The following ZNF582 variants were observed in gnomAD, a reference collection of about 807,000 sequenced individuals.
The protein encoded by ZNF582 is zinc finger protein 582.
ZNF582 carries 14 observed loss-of-function variants against 12.3 expected under a neutral mutation model. That is an observed-to-expected ratio of 1.14 (90% CI 0.75 to 1.78). The LOEUF (loss-of-function observed/expected upper bound fraction) is 1.78, where lower values mean the gene tolerates loss of function less well. Ranked by LOEUF, ZNF582 falls within the 40% of genes most tolerant of loss-of-function variation. The probability of loss-of-function intolerance (pLI) is 0.00; values close to 1 mark genes in which losing one functional copy is unlikely to be tolerated. For missense variants in ZNF582, 567 were observed against 616.5 expected (o/e 0.92, Z 0.85); for synonymous variants, 210 against 207.2 (o/e 1.01, Z -0.11).
intron 3 of ZNF582, 131 bp from the exon 4 acceptor site, chr19:56,390,227 G>A: frequency 6.6e-6 from 9 of 1,357,594 alleles, no homozygotes; most frequent in South Asian, 6.4e-5. Context: ...TTGCCTGGGG[G>A]TAGGGGGATG....
chr19:56,393,483 C>T (rs752436852), exon 1 of ZNF582: 2 of 513,750 alleles, frequency 3.9e-6, no homozygotes, highest in South Asian at 2.8e-5. Flanking sequence ...GGCCGCGCCC[C>T]CGGCAGCCCA....
At chr19:56,390,791 C>T (rs974980778) in intron 2 of ZNF582, among the ~76,000 whole-genome samples, 2 of 152,206 alleles carry the variant, frequency 1.3e-5, no homozygotes, top group Admixed American at 6.5e-5. Flanking sequence ...TAATAAAGCA[C>T]ACTGCCCACT....
chr19:56,388,421 A>G (rs1425448952), intron 4 of ZNF582: 2 of 152,214 alleles, frequency 1.3e-5, no homozygotes, highest in Non-Finnish European at 2.9e-5. Context: ...TTTTTTAAAA[A>G]TCACTATTTT....
At chr19:56,384,210 C>A in exon 5 of ZNF582, 2 of 1,611,964 alleles carry the variant, frequency 1.2e-6, no homozygotes, top group Non-Finnish European at 1.7e-6. Flanking sequence ...CGTTTGAAGG[C>A]CCTACCACAT....
chr19:56,384,983 C>T, exon 5 of ZNF582: 1 of 1,614,098 alleles, frequency 6.2e-7, no homozygotes, highest in East Asian at 2.2e-5. Flanking sequence ...TTCTTCATGT[C>T]TGATGATCAT....
At chr19:56,383,616 T>C (rs2041936400) in exon 5 of ZNF582, 1 of 355,120 alleles carries the variant, frequency 2.8e-6, no homozygotes. Context: ...ACTTTTGCTC[T>C]TGATAAAATT....
rs766814473 is a variant in ZNF582, at chr19:56,389,995, A to G, written c.232+6T>C. ...GCTGCTCCCTTCCCAATGATACCTC[A>G]CTCACCTGGACACAGGCCTCCAGAC... is the stretch of plus-strand genomic sequence containing the variant. On this transcript the variant is annotated splice_donor_region_variant and intron_variant, in intron 4 of 4. Coordinates refer to ENST00000586929, the Ensembl canonical transcript of ZNF582. 1.9e-6 allele frequency: 3 copies of G among 1,612,572 alleles called. No individual in the cohort carries two copies. The East Asian group carries it at 6.7e-5, about 36-fold the overall frequency.
chr19:56,387,551 T>C (rs978020714), intron 4 of ZNF582: 3 of 152,214 alleles, frequency 2.0e-5, no homozygotes, highest in African/African-American at 7.2e-5. Context: ...AAAAAAACTA[T>C]ATACAAACGT....
chr19:56,393,140 T>TAAAA, intron 1 of ZNF582, 80 bp downstream of exon 1: 6 of 993,106 alleles, frequency 6.0e-6, no homozygotes, highest in East Asian at 6.6e-5. Flanking sequence ...CCTCTCAGAT[T>TAAAA]AAAAAAAAAA....
At chr19:56,385,267 C>T (rs1288119107) in intron 4 of ZNF582, 83 bp from the exon 5 acceptor site, 2 of 1,369,286 alleles carry the variant, frequency 1.5e-6, no homozygotes, top group Admixed American at 2.7e-5. Context: ...AGGGTTTAGA[C>T]TCAATGCCTA....
In ZNF582 at chr19:56,385,724, T is replaced by C. The variant is rs148427091; in HGVS notation, c.233-540A>G. Among the ~76,000 whole-genome samples the C allele has an allele frequency of 3.9e-3, 593 of 151,816 alleles. 3 individuals carry two copies. Among genetic ancestry groups the C allele is most frequent in the Non-Finnish European group, 5.9e-3 (398 of 67,948 alleles). ...GGTCAGAATCACTATTGAACAATAT[T>C]TTTTAAGACAGTAAATGTTTCTGTG... On this transcript the variant is annotated intron_variant, in intron 4 of 4. Coordinates refer to ENST00000586929, the Ensembl canonical transcript of ZNF582.
chr19:56,388,085 A>G (rs2041983195), intron 4 of ZNF582, among the ~76,000 whole-genome samples: 1 of 151,324 alleles, frequency 6.6e-6, no homozygotes, highest in East Asian at 1.9e-4. Context: ...ATTTATGTTA[A>G]CTAGCTTTTA....
rs541101433 is a variant in ZNF582 at position 56,391,669 on chromosome 19, C to G, written c.9+75G>C. 1.0e-5 allele frequency: 15 copies of G among 1,429,154 alleles called. 2 individuals carry two copies. The South Asian group carries it at 1.6e-4, about 15-fold the overall frequency. The allele number at this position is 1,429,154 out of a possible 1,614,324, so 88.5% of individuals were successfully genotyped here. Reference sequence around the variant, plus strand: ...CCCTAAAATGGGAAAGTCTGAGAACCAAATTTCTGGATGGAACCCAGGTGG... The same window carrying G: ...CCCTAAAATGGGAAAGTCTGAGAACGAAATTTCTGGATGGAACCCAGGTGG... On this transcript the variant is annotated intron_variant, in intron 2 of 4. Transcript: ENST00000586929.
Position 56,392,919 on chromosome 19 carries a change from CTTA to C in ZNF582, c.-81+298_-81+300del, listed in dbSNP as rs373383180. Among the ~76,000 whole-genome samples, 872 of 152,190 alleles carry C rather than the reference CTTA, an allele frequency of 5.7e-3. 8 individuals carry two copies. Among genetic ancestry groups the C allele is most frequent in the African/African-American group, 0.019 (800 of 41,494 alleles). ...AATATGATGTAATAGGCAGCTTTTC[CTTA>C]TTATGACCACTTTTATAAGCATTAT... On this transcript the variant is annotated intron_variant, in intron 1 of 4. Transcript: ENST00000586929.
exon 5 of ZNF582, chr19:56,383,825 T>A (rs780903675): frequency 3.0e-5 from 46 of 1,509,218 alleles, no homozygotes; most frequent in Non-Finnish European, 4.1e-5. Flanking sequence ...TTCAAGTCTT[T>A]CTCCAAGAGG....
At chr19:56,383,029 T>A (rs1172402853) in exon 5 of ZNF582, 2 of 152,186 alleles carry the variant, frequency 1.3e-5, no homozygotes, top group Non-Finnish European at 2.9e-5. Context: ...CAGATTCCAC[T>A]GAGCAACACT....
rs546410349 is a variant in ZNF582 at position 56,387,727 on chromosome 19, A to G, written c.232+2274T>C. On this transcript the variant is annotated intron_variant, in intron 4 of 4. Transcript: ENST00000586929. The stretch of plus-strand genomic sequence containing the variant: ...ATTCTCCTCTGTCAGCCTTCTGAGT[A>G]GCTGGGACTACAGGCATGAGTTATT... The G allele has an allele frequency of 4.6e-5, 7 of 152,334 alleles. No homozygotes were observed. The South Asian group carries it at 1.5e-3, about 32-fold the overall frequency. The allele number at this position is 152,334 out of a possible 1,614,324, so 9.4% of individuals were successfully genotyped here.
chr19:56,385,159 C>G (rs1568784060), exon 5 of ZNF582: 1 of 1,605,556 alleles, frequency 6.2e-7, no homozygotes, highest in Admixed American at 1.7e-5. Context: ...GAAATAATTC[C>G]TTGGTATCAT....
At chr19:56,389,960 A>G in intron 4 of ZNF582, 41 bp downstream of exon 4, 1 of 1,538,886 alleles carries the variant, frequency 6.5e-7, no homozygotes, top group Non-Finnish European at 9.0e-7. Flanking sequence ...CGGACCTGAT[A>G]CCTGCAGTGG....
Sources: allele counts gnomAD v4.1 joint callset (sites outside exome capture counted in the v4.1 genomes callset), GRCh38; gene constraint gnomAD v4.1.1; transcripts MANE v1.5; gene names NCBI Gene and HGNC (gene_info 2026-07-23, HGNC 2026-07-21).